CCL26: variants seen among roughly 807,000 people sequenced by gnomAD.
CCL26 encodes the protein C-C motif chemokine 26.
In CCL26, 10 loss-of-function variants were observed where a neutral mutation model predicts 10.7. The observed-to-expected ratio is 0.93, with a 90% CI of 0.57 to 1.58. The LOEUF is 1.58. Ranked by LOEUF, CCL26 falls within the 40% of genes most tolerant of loss-of-function variation. The pLI, the probability that CCL26 is intolerant of heterozygous loss-of-function variation, is 0.00. For missense variants in CCL26, 116 were observed against 111.0 expected (o/e 1.05, Z -0.20); for synonymous variants, 43 against 41.4 (o/e 1.04, Z -0.15).
At chr7:75,773,017 C>T (rs1159023571), upstream of CCL26, among the ~76,000 whole-genome samples, 3 of 152,028 alleles carry the variant, frequency 2.0e-5, no homozygotes, top group African/African-American at 4.8e-5. Flanking sequence ...CATAGAGTAG[C>T]CCAACCTCGA....
intron 1 of CCL26, among the ~76,000 whole-genome samples, chr7:75,780,620 C>T (rs1214865371): frequency 3.9e-5 from 6 of 152,120 alleles, no homozygotes; most frequent in African/African-American, 1.4e-4. Flanking sequence ...GCCTGACGTC[C>T]AGGCATTCTT....
intron 1 of CCL26, among the ~76,000 whole-genome samples, chr7:75,784,468 G>A (rs1475461767): frequency 2.6e-5 from 4 of 152,118 alleles, no homozygotes; most frequent in African/African-American, 9.7e-5. Context: ...CTCTTACAGT[G>A]GAGAGTAAGT....
chr7:75,772,149 C>G lies in CCL26; in HGVS notation c.28G>C (p.Val10Leu). 6.4e-7 allele frequency: 1 copy of G among 1,554,658 alleles called. No individual in the cohort carries two copies. Among genetic ancestry groups the G allele is most frequent in the Non-Finnish European group, 8.7e-7 (1 of 1,148,880 alleles). The change falls in exon 1 of 3, where the codon GTG becomes CTG. Residue 10 changes from valine to leucine, a missense_variant. By Grantham distance (32) the Val-to-Leu change is conservative. Coordinates refer to ENST00000005180, the MANE Select transcript of CCL26 (RefSeq NM_001371938.1). Reference sequence around the variant, plus strand: ...AGACTCAGGAGGGAGGCCAGGAGCACAGCAGAGGCCAAGGAGAGGCCCATC... The same window carrying G: ...AGACTCAGGAGGGAGGCCAGGAGCAGAGCAGAGGCCAAGGAGAGGCCCATC... The part of the protein sequence containing the change: MMGLSLASA[V>L]LLASLLSLHL...
intron 1 of CCL26, among the ~76,000 whole-genome samples, chr7:75,783,344 G>A (rs1289974818): frequency 1.3e-5 from 2 of 152,032 alleles, no homozygotes; most frequent in Non-Finnish European, 2.9e-5. Flanking sequence ...CCGGCTTCAC[G>A]AGCCAGACCT....
At chr7:75,787,411 G>A (rs1173656793) in intron 1 of CCL26, among the ~76,000 whole-genome samples, 1 of 151,984 alleles carries the variant, frequency 6.6e-6, no homozygotes, top group Non-Finnish European at 1.5e-5. Flanking sequence ...TTGGGAGGCT[G>A]AGGCGGGCAG....
upstream of CCL26, among the ~76,000 whole-genome samples, chr7:75,777,209 G>A (rs1356855690): frequency 5.3e-5 from 8 of 152,106 alleles, no homozygotes; most frequent in African/African-American, 1.2e-4. Context: ...TCCAGCCTGC[G>A]CAGCAAGAGT....
At chr7:75,770,069 ATT>A (rs10540427) in intron 2 of CCL26, among the ~76,000 whole-genome samples, 26,068 of 144,122 alleles carry the variant, frequency 0.18, 2,498 homozygotes, top group East Asian at 0.27. Flanking sequence ...AGGACACTTA[ATT>A]TTTTTTTTTT....
Position 75,771,899 on chromosome 7 carries a change from G to A in CCL26, c.178C>T (p.Arg60Trp), listed in dbSNP as rs150951637. Residue 60 changes from arginine to tryptophan, a missense_variant, in exon 2 of 3, where the codon CGG becomes TGG. Coordinates refer to ENST00000005180, the MANE Select transcript of CCL26 (RefSeq NM_001371938.1). ...YEFTSNSCSQ[R>W]AVIFTTKRGK... ...CCGAGAAATACTCACATCACAGCCC[G>A]CTGGGAGCAGCTGTTACTGGTGAAT... is the stretch of plus-strand genomic sequence containing the variant. 27 of 1,609,836 alleles carry A rather than the reference G, an allele frequency of 1.7e-5. No individual in the cohort carries two copies. The highest frequency in any genetic ancestry group is 9.4e-5 in the African/African-American group (7 of 74,826).
chr7:75,776,671 A>G (rs1029517444), upstream of CCL26, among the ~76,000 whole-genome samples: 3 of 152,120 alleles, frequency 2.0e-5, no homozygotes, highest in Non-Finnish European at 4.4e-5. Flanking sequence ...ACGAGAAGGA[A>G]ACCCACATGG....
chr7:75,785,210 C>T (rs1803157445), intron 1 of CCL26, among the ~76,000 whole-genome samples: 1 of 152,142 alleles, frequency 6.6e-6, no homozygotes, highest in Non-Finnish European at 1.5e-5. Flanking sequence ...CACCCCTCAT[C>T]CCAGCCTCTC....
chr7:75,788,369 C>T (rs372050023), intron 1 of CCL26, among the ~76,000 whole-genome samples: 1 of 151,704 alleles, frequency 6.6e-6, no homozygotes, highest in Non-Finnish European at 1.5e-5. Context: ...GTGTCCCTCA[C>T]CCCTGCCCGC....
upstream of CCL26, among the ~76,000 whole-genome samples, chr7:75,775,913 C>T (rs1585010906): frequency 6.7e-6 from 1 of 149,966 alleles, no homozygotes; most frequent in East Asian, 2.0e-4. Context: ...AGGCATCCTC[C>T]CACCTCCCAA....
intron 1 of CCL26, among the ~76,000 whole-genome samples, chr7:75,781,401 C>A (rs568503940): frequency 3.9e-5 from 6 of 152,322 alleles, no homozygotes; most frequent in South Asian, 4.1e-4. Context: ...TCCTCCAGAA[C>A]CTCCTACCCC....
At chr7:75,781,208 C>A (rs1803053192) in intron 1 of CCL26, among the ~76,000 whole-genome samples, 1 of 152,216 alleles carries the variant, frequency 6.6e-6, no homozygotes, top group African/African-American at 2.4e-5. Context: ...TAAATTCTGG[C>A]CCTCAAACCC....
intron 2 of CCL26, among the ~76,000 whole-genome samples, 175 bp from the exon 3 acceptor site, chr7:75,769,964 T>A (rs961226814): frequency 1.3e-5 from 2 of 152,092 alleles, no homozygotes; most frequent in African/African-American, 4.8e-5. Context: ...TTTCCTATCT[T>A]GATTTCCACT....
chr7:75,783,090 G>A (rs868927774), intron 1 of CCL26, among the ~76,000 whole-genome samples: 127 of 152,288 alleles, frequency 8.3e-4, no homozygotes, highest in African/African-American at 2.9e-3. Context: ...TCCTCTTAGA[G>A]AGGTGGTTGG....
chr7:75,782,154 C>T (rs936755229), intron 1 of CCL26, among the ~76,000 whole-genome samples: 9 of 152,136 alleles, frequency 5.9e-5, no homozygotes, highest in South Asian at 4.1e-4. Flanking sequence ...TCAATCTTGG[C>T]GCCACCCTTC....
chr7:75,772,110 C>A lies in CCL26; in HGVS notation c.67G>T (p.Ala23Ser). The A allele has an allele frequency of 6.3e-7, 1 of 1,577,674 alleles. No homozygotes were observed. The highest frequency in any genetic ancestry group is 1.1e-5 in the South Asian group (1 of 87,196). ...ASLLSLHLGT[A>S]TRGSDISKTC... is the part of the protein sequence containing the mutation. ...GAATGGGCCAGCTACGTACGTGTGG[C>A]AGTTCCAAGGTGGAGACTCAGGAGG... Residue 23 changes from alanine (A) to serine (S), a missense_variant, in exon 1 of 3, where the codon GCC (alanine) becomes TCC (serine). Coordinates refer to ENST00000005180, the MANE Select transcript of CCL26 (RefSeq NM_001371938.1).
upstream of CCL26, among the ~76,000 whole-genome samples, chr7:75,777,073 A>G (rs1802958286): frequency 6.6e-6 from 1 of 152,078 alleles, no homozygotes; most frequent in Non-Finnish European, 1.5e-5. Context: ...TCTACTAAAA[A>G]TACAAAAAAT....
Sources: allele counts gnomAD v4.1 joint callset (sites outside exome capture counted in the v4.1 genomes callset), GRCh38; gene constraint gnomAD v4.1.1; transcripts MANE v1.5; gene names NCBI Gene and HGNC (gene_info 2026-07-23, HGNC 2026-07-21).